Variants in ANKS1B observed in about 807,000 individuals in gnomAD.
ANKS1B encodes the protein ankyrin repeat and sterile alpha motif domain containing 1B.
ANKS1B carries 36 observed loss-of-function variants against 148.3 expected under a neutral mutation model. The ratio of observed to expected loss-of-function variants is 0.24; its 90% CI spans 0.19 to 0.32. ANKS1B has a LOEUF of 0.32. Ranked by LOEUF, ANKS1B falls within the 10% of genes least tolerant of loss-of-function variation. The probability of loss-of-function intolerance (pLI) is 1.00; values close to 1 mark genes in which losing one functional copy is unlikely to be tolerated. For synonymous variants in ANKS1B, 542 were observed against 560.8 expected, an observed-to-expected ratio of 0.97 and a Z score of 0.47; for missense variants, 1,157 against 1,542.6, an observed-to-expected ratio of 0.75 and a Z score of 4.19.
chr12:99,871,898 G>A (rs1330661241), intron 1 of ANKS1B, among the ~76,000 whole-genome samples: 2 of 151,976 alleles, frequency 1.3e-5, no homozygotes, highest in Non-Finnish European at 2.9e-5. Context: ...TGGATACCTT[G>A]TATTTCTTTC....
chr12:99,377,704 G>C (rs1697481237), intron 12 of ANKS1B, among the ~76,000 whole-genome samples: 1 of 152,200 alleles, frequency 6.6e-6, no homozygotes, highest in Admixed American at 6.5e-5. Context: ...GCATGTTTAA[G>C]TACCAGTGAA....
chr12:99,393,999 G>T (rs913540751), intron 12 of ANKS1B, among the ~76,000 whole-genome samples: 1 of 152,190 alleles, frequency 6.6e-6, no homozygotes, highest in Non-Finnish European at 1.5e-5. Context: ...ATAGGCTGGA[G>T]AAAAACACAG....
chr12:98,781,007 A>G, intron 24 of ANKS1B, 110 bp downstream of exon 24: 1 of 654,890 alleles, frequency 1.5e-6, no homozygotes, highest in East Asian at 2.7e-5. Context: ...GGTTGGGGGA[A>G]AGGGATGATT....
At chr12:98,798,856 T>C (rs1336656816) in intron 22 of ANKS1B, 78 bp downstream of exon 22, 12 of 1,242,912 alleles carry the variant, frequency 9.7e-6, no homozygotes, top group Non-Finnish European at 1.3e-5. Context: ...AAATAGTAAT[T>C]TGAAAGGTGG....
At chr12:99,632,262 G>A (rs886564944) in intron 9 of ANKS1B, among the ~76,000 whole-genome samples, 26 of 152,058 alleles carry the variant, frequency 1.7e-4, no homozygotes, top group Non-Finnish European at 3.4e-4. Context: ...CAAGAGCTGT[G>A]GAGGCTTGGC....
Position 99,504,599 on chromosome 12 carries a change from G to A in ANKS1B, c.1315C>T (p.Pro439Ser), listed in dbSNP as rs1352312221. 1.9e-6 allele frequency: 3 copies of A among 1,609,382 alleles called. No individual in the cohort carries two copies. Among genetic ancestry groups the A allele is most frequent in the Middle Eastern group, 3.3e-4 (2 of 6,038 alleles). The change falls in exon 10 of 27, where the codon CCA becomes TCA. Residue 439 changes from proline (P) to serine (S), a missense_variant. Pro to Ser is a moderately conservative substitution (Grantham distance 74, BLOSUM62 -1). Coordinates refer to ENST00000683438, the MANE Select transcript of ANKS1B (RefSeq NM_001352186.2). ...GGAAATGTATCCAGAGAAGCAGATG[G>A]TACAATTTCCATAGTGTAATTTCTC... Reference protein sequence around the residue: ...KKRNYTMEIVPSASLDTFPSE... With the variant: ...KKRNYTMEIVSSASLDTFPSE...
intron 14 of ANKS1B, among the ~76,000 whole-genome samples, chr12:99,205,803 G>T (rs1197941943): frequency 6.6e-6 from 1 of 152,176 alleles, no homozygotes; most frequent in Non-Finnish European, 1.5e-5. Context: ...GACAACAGTT[G>T]CAGTAAGTGG....
At position 99,655,190 on chromosome 12, in the gene ANKS1B, A is replaced by G. The variant is rs756574916; in HGVS notation, c.1149T>C (p.Asn383=). Residue 383 remains asparagine (N), a synonymous_variant, in exon 9 of 27, where the codon AAT becomes AAC. Coordinates refer to ENST00000683438, the MANE Select transcript of ANKS1B (RefSeq NM_001352186.2). ...SQSVRTSSTI[N]LSPGEVEEED... ...CTTCTTCCACTTCTCCTGGTGACAA[A>G]TTGATTGTAGATGAGGTTCTCTGAA... The G allele has an allele frequency of 1.9e-6, 3 of 1,610,852 alleles. No homozygotes were observed. Among genetic ancestry groups the G allele is most frequent in the Non-Finnish European group, 1.7e-6 (2 of 1,178,090 alleles).
At chr12:99,284,517 C>A (rs528554472) in intron 12 of ANKS1B, among the ~76,000 whole-genome samples, 2 of 152,262 alleles carry the variant, frequency 1.3e-5, no homozygotes, top group African/African-American at 4.8e-5. Context: ...GAAAGCCATT[C>A]ATTTTAGAAA....
intron 17 of ANKS1B, among the ~76,000 whole-genome samples, chr12:98,997,404 AT>A (rs34655015): frequency 0.21 from 28,743 of 138,224 alleles, 2,500 homozygotes; most frequent in African/African-American, 0.25. Context: ...AGTGTTTGCA[AT>A]TTTTTTTTTT....
At chr12:99,567,137 G>C (rs1477330524) in intron 9 of ANKS1B, among the ~76,000 whole-genome samples, 3 of 152,066 alleles carry the variant, frequency 2.0e-5, no homozygotes, top group Non-Finnish European at 4.4e-5. Flanking sequence ...TTCTCTCTCA[G>C]GTTTACTCAG....
chr12:99,249,922 CA>C (rs1181292850), intron 12 of ANKS1B, among the ~76,000 whole-genome samples: 2 of 152,204 alleles, frequency 1.3e-5, no homozygotes, highest in African/African-American at 4.8e-5. Context: ...CCAGCTGTTT[CA>C]AAATGTAGGT....
chr12:99,001,966 G>A (rs1438148396), intron 17 of ANKS1B, among the ~76,000 whole-genome samples: 1 of 152,062 alleles, frequency 6.6e-6, no homozygotes, highest in East Asian at 1.9e-4. Context: ...CCATGTTGTT[G>A]CAAATGGCAG....
At chr12:98,942,378 A>G (rs1314437429) in intron 17 of ANKS1B, among the ~76,000 whole-genome samples, 2 of 152,214 alleles carry the variant, frequency 1.3e-5, no homozygotes, top group Admixed American at 1.3e-4. Flanking sequence ...CAGGGCTTCA[A>G]GCTGAACAGG....
At chr12:98,773,431 A>G (rs1566308708) in intron 24 of ANKS1B, among the ~76,000 whole-genome samples, 1 of 152,202 alleles carries the variant, frequency 6.6e-6, no homozygotes. Flanking sequence ...TGCTGTGCAT[A>G]GAAGCAGTCT....
At position 99,039,697 on chromosome 12, in the gene ANKS1B, TTTA is replaced by T. The variant is rs1191384333; in HGVS notation, c.2778+13457_2778+13459del. ...GTTTGTTTGTTTGTTTGTTTATTTA[TTTA>T]TTATTATACTTTAAGTTTTAGGGTA... On this transcript the variant is annotated intron_variant, in intron 17 of 26. Transcript: ENST00000683438. Among the ~76,000 whole-genome samples the T allele has an allele frequency of 3.3e-5, 5 of 152,326 alleles. No individual in the cohort carries two copies. In the South Asian group the frequency reaches 1.0e-3, roughly 32 times the overall value.
chr12:99,289,012 T>A (rs2154006729), intron 12 of ANKS1B, among the ~76,000 whole-genome samples: 1 of 151,924 alleles, frequency 6.6e-6, no homozygotes, highest in East Asian at 1.9e-4. Flanking sequence ...AGAAAAACAT[T>A]TCACCTATAA....
chr12:99,344,600 T>C (rs923802798), intron 12 of ANKS1B, among the ~76,000 whole-genome samples: 1 of 152,084 alleles, frequency 6.6e-6, no homozygotes, highest in African/African-American at 2.4e-5. Flanking sequence ...CAAAGATTTA[T>C]AATTTCTTAA....
chr12:99,580,375 AAATT>A (rs1483983489), intron 9 of ANKS1B, among the ~76,000 whole-genome samples: 2 of 152,230 alleles, frequency 1.3e-5, no homozygotes, highest in Admixed American at 6.5e-5. Context: ...TTAAAAATTA[AAATT>A]AATAAAATCA....
Sources: gnomAD v4.1 joint callset for allele counts (sites outside exome capture counted in the v4.1 genomes callset) on GRCh38, gnomAD v4.1.1 for gene constraint, MANE v1.5 for transcripts, NCBI Gene and HGNC (gene_info 2026-07-23, HGNC 2026-07-21) for gene names.